CACUL1: variants seen among roughly 807,000 people sequenced by gnomAD.
The protein encoded by CACUL1 is CDK2 associated cullin domain 1.
In CACUL1, 13 loss-of-function variants were observed where a neutral mutation model predicts 45.2. The observed-to-expected ratio is 0.29, with a 90% CI of 0.19 to 0.46. The LOEUF is 0.46. CACUL1 is among the 20% of genes least tolerant of loss of function. The pLI is 1.00. For missense variants in CACUL1, 421 were observed against 471.4 expected (o/e 0.89, Z 0.99); for synonymous variants, 197 against 174.2 (o/e 1.13, Z -1.03).
At chr10:118,752,892 T>A (rs115587441) in intron 1 of CACUL1, among the ~76,000 whole-genome samples, 2,221 of 152,372 alleles carry the variant, frequency 0.015, 52 homozygotes, top group African/African-American at 0.05. Context: ...GTTCTTTTTT[T>A]AATCTGATAT....
At chr10:118,742,128 C>T (rs1845798739) in intron 1 of CACUL1, among the ~76,000 whole-genome samples, 1 of 152,214 alleles carries the variant, frequency 6.6e-6, no homozygotes, top group South Asian at 2.1e-4. Flanking sequence ...TTACCAGAGG[C>T]TAAAATATTA....
chr10:118,693,854 T>C (rs1845295516), intron 6 of CACUL1: 1 of 410,726 alleles, frequency 2.4e-6, no homozygotes. Flanking sequence ...GCTCAAACCC[T>C]AGATCCAAAT....
rs149895751 is a variant in CACUL1, at chr10:118,718,862, C to T, written c.597+10433G>A. Among the ~76,000 whole-genome samples, 613 of 152,328 alleles carry T rather than the reference C, an allele frequency of 4.0e-3. 6 individuals carry two copies. The highest frequency in any genetic ancestry group is 0.014 in the African/African-American group (593 of 41,566). The stretch of plus-strand genomic sequence containing the variant: ...TGCTGGGATTACAGGCGTGAGCCAC[C>T]GCGCCCGGCCAAGGCATGCCCATTT... On this transcript the variant is annotated intron_variant, in intron 3 of 8. Transcript: ENST00000369151.
At chr10:118,733,430 T>C (rs1235774873) in intron 1 of CACUL1, among the ~76,000 whole-genome samples, 1 of 152,226 alleles carries the variant, frequency 6.6e-6, no homozygotes, top group Non-Finnish European at 1.5e-5. Context: ...TCAGTAACCT[T>C]ATATGCTAGC....
intron 7 of CACUL1, among the ~76,000 whole-genome samples, chr10:118,689,588 T>G (rs1293211498): frequency 6.6e-6 from 1 of 152,172 alleles, no homozygotes. Context: ...GGCCAGTGGC[T>G]GAATAGTGCC....
chr10:118,706,531 A>G (rs889124045), intron 4 of CACUL1, among the ~76,000 whole-genome samples: 3 of 152,218 alleles, frequency 2.0e-5, no homozygotes, highest in Non-Finnish European at 2.9e-5. Context: ...TAATTCTGCT[A>G]TCCTAGATGC....
At chr10:118,723,912 C>T (rs1845625979) in intron 3 of CACUL1, among the ~76,000 whole-genome samples, 1 of 151,984 alleles carries the variant, frequency 6.6e-6, no homozygotes, top group Non-Finnish European at 1.5e-5. Context: ...TTATAGGCGC[C>T]CACCACCACA....
intron 5 of CACUL1, among the ~76,000 whole-genome samples, chr10:118,698,732 C>T (rs1845348218): frequency 6.6e-6 from 1 of 152,160 alleles, no homozygotes; most frequent in Non-Finnish European, 1.5e-5. Context: ...AGATAAGCTA[C>T]CCCACCCCAA....
intron 3 of CACUL1, among the ~76,000 whole-genome samples, chr10:118,725,210 G>A (rs1241515400): frequency 2.0e-5 from 3 of 152,214 alleles, no homozygotes; most frequent in African/African-American, 7.2e-5. Context: ...TCCCATGTCT[G>A]TAATACCAGC....
At chr10:118,702,910 T>G (rs1204176746) in intron 4 of CACUL1, among the ~76,000 whole-genome samples, 1 of 152,168 alleles carries the variant, frequency 6.6e-6, no homozygotes, top group African/African-American at 2.4e-5. Context: ...TAAGTGTTAA[T>G]GCAGAAGAGT....
Position 118,685,639 on chromosome 10 carries a change from A to T in CACUL1, c.*489T>A, listed in dbSNP as rs1383408826. 6.6e-6 allele frequency: 1 copy of T among 152,660 alleles called. No individual in the cohort carries two copies. Among genetic ancestry groups the T allele is most frequent in the African/African-American group, 2.4e-5 (1 of 41,452 alleles). 9.5% of individuals were successfully genotyped at this position (152,660 alleles called of 1,614,324 possible). ...ATGCTAAACAAAGACCAACTCTTTT[A>T]AAAGGGGTTGTTTTGGTTGTGGGTG... On this transcript the variant is annotated 3_prime_UTR_variant, in exon 9 of 9. Transcript: ENST00000369151.
chr10:118,754,809 G>A lies in CACUL1; in HGVS notation c.-47C>T, dbSNP rs1424108743. On this transcript the variant is annotated 5_prime_UTR_variant, in exon 1 of 9. Transcript: ENST00000369151. ...CCCGCCTCACAGGCACCTGCCGCCT[G>A]TCTCAACCCCGGGCCAGCGGGCACC... The A allele has an allele frequency of 4.6e-6, 7 of 1,511,138 alleles. No individual in the cohort carries two copies. The highest frequency in any genetic ancestry group is 2.7e-5 in the South Asian group (2 of 75,310). 93.6% of individuals were successfully genotyped at this position (1,511,138 alleles called of 1,614,324 possible). A position where few individuals can be genotyped will look rare whatever the true frequency, so the allele number is the denominator to read the frequency against.
intron 1 of CACUL1, among the ~76,000 whole-genome samples, chr10:118,747,725 A>C (rs1406005785): frequency 6.6e-6 from 1 of 152,168 alleles, no homozygotes; most frequent in Non-Finnish European, 1.5e-5. Flanking sequence ...TCCTACAGTG[A>C]CAGAAGGCAG....
chr10:118,736,988 C>A (rs1845746600), intron 1 of CACUL1, among the ~76,000 whole-genome samples: 1 of 151,980 alleles, frequency 6.6e-6, no homozygotes, highest in Admixed American at 6.6e-5. Context: ...GGGCTTATAC[C>A]ACCTAGGTTT....
At chr10:118,745,607 A>G (rs58111467) in intron 1 of CACUL1, among the ~76,000 whole-genome samples, 11,735 of 152,202 alleles carry the variant, frequency 0.077, 1,028 homozygotes, top group African/African-American at 0.19. Context: ...TTTAAATAAC[A>G]GATGGACAAA....
intron 6 of CACUL1, among the ~76,000 whole-genome samples, chr10:118,694,566 A>AAGAT (rs1373083375): frequency 2.6e-5 from 4 of 152,250 alleles, no homozygotes; most frequent in Non-Finnish European, 5.9e-5. Flanking sequence ...GGCTTATAGA[A>AAGAT]AGATATATAC....
chr10:118,745,309 G>C (rs1845830794), intron 1 of CACUL1, among the ~76,000 whole-genome samples: 1 of 152,168 alleles, frequency 6.6e-6, no homozygotes, highest in Non-Finnish European at 1.5e-5. Flanking sequence ...TGTAATCCTA[G>C]CACTTTGGGA....
intron 8 of CACUL1, 56 bp downstream of exon 8, chr10:118,686,542 A>G (rs1351332015): frequency 1.5e-6 from 2 of 1,317,408 alleles, no homozygotes; most frequent in Non-Finnish European, 2.2e-6. Context: ...CAGTGCATTA[A>G]TATGGCTGCT....
rs182732305 is a variant in CACUL1 at position 118,727,480 on chromosome 10, A to G, written c.597+1815T>C. ...TTAATCATTAATAAGAATCATTACTATATTAATATAAAACTAAAAATTATT... is the reference window on the plus strand; with the variant it reads ...TTAATCATTAATAAGAATCATTACTGTATTAATATAAAACTAAAAATTATT... On this transcript the variant is annotated intron_variant, in intron 3 of 8. Transcript: ENST00000369151. 2.9e-3 allele frequency among the ~76,000 whole-genome samples: 437 copies of G among 152,086 alleles called. 2 individuals are homozygous for G. Among genetic ancestry groups the G allele is most frequent in the African/African-American group, 0.01 (418 of 41,510 alleles).
Sources: allele counts gnomAD v4.1 joint callset (sites outside exome capture counted in the v4.1 genomes callset), GRCh38; gene constraint gnomAD v4.1.1; transcripts MANE v1.5; gene names NCBI Gene and HGNC (gene_info 2026-07-23, HGNC 2026-07-21).